ITFG2: variants seen among roughly 807,000 people sequenced by gnomAD.
The protein encoded by ITFG2 is integrin alpha FG-GAP repeat containing 2.
In ITFG2, 36 loss-of-function variants were observed where a neutral mutation model predicts 54.4. The observed-to-expected ratio is 0.66, with a 90% CI of 0.51 to 0.87. The LOEUF is 0.87. Among genes scored for constraint, ITFG2 ranks in the 40% least tolerant of loss-of-function variants. The probability of loss-of-function intolerance (pLI) is 0.00; values close to 1 mark genes in which losing one functional copy is unlikely to be tolerated. For missense variants in ITFG2, 524 were observed against 576.7 expected, an observed-to-expected ratio of 0.91 and a Z score of 0.94; for synonymous variants, 211 against 225.4, an observed-to-expected ratio of 0.94 and a Z score of 0.57.
chr12:2,840,525 G>A (rs2098038609), intron 1 of ITFG2, among the ~76,000 whole-genome samples: 2 of 151,442 alleles, frequency 1.3e-5, no homozygotes, highest in Admixed American at 6.6e-5. Context: ...TAAATATCAT[G>A]CCTGTAATCC....
At chr12:2,822,225 A>G (rs1179478655) in intron 9 of ITFG2, among the ~76,000 whole-genome samples, 1 of 152,192 alleles carries the variant, frequency 6.6e-6, no homozygotes, top group Non-Finnish European at 1.5e-5. Flanking sequence ...CCTGGCCGTA[A>G]GTCTCTTTAG....
intron 1 of ITFG2, among the ~76,000 whole-genome samples, chr12:2,814,703 A>G (rs185354243): frequency 0.017 from 2,333 of 140,294 alleles, 57 homozygotes; most frequent in African/African-American, 0.06. Context: ...GTGGTGGTGC[A>G]TGCTTGTAGT....
chr12:2,849,981 C>A (rs142104001), intron 2 of ITFG2, among the ~76,000 whole-genome samples: 2 of 152,266 alleles, frequency 1.3e-5, no homozygotes, highest in East Asian at 3.9e-4. Flanking sequence ...TGAATAGTGG[C>A]CAGTTTTCTA....
intron 2 of ITFG2, among the ~76,000 whole-genome samples, chr12:2,856,727 AC>A (rs1390797268): frequency 1.3e-5 from 2 of 152,142 alleles, no homozygotes; most frequent in Non-Finnish European, 2.9e-5. Flanking sequence ...AGTCATTTCT[AC>A]AGGATCACCC....
chr12:2,822,368 A>G (rs2097948353), intron 9 of ITFG2, among the ~76,000 whole-genome samples: 1 of 152,200 alleles, frequency 6.6e-6, no homozygotes, highest in Admixed American at 6.5e-5. Flanking sequence ...AGTTACTGTA[A>G]GAGCCTGGAA....
chr12:2,828,569 G>T (rs762587223), downstream of ITFG2, among the ~76,000 whole-genome samples: 1 of 152,218 alleles, frequency 6.6e-6, no homozygotes, highest in Non-Finnish European at 1.5e-5. Context: ...GCCAGGCGCG[G>T]TAGCTCACGC....
intron 1 of ITFG2, among the ~76,000 whole-genome samples, chr12:2,839,707 A>G (rs1443803158): frequency 6.6e-6 from 1 of 152,178 alleles, no homozygotes; most frequent in Non-Finnish European, 1.5e-5. Flanking sequence ...ATAATGAACA[A>G]CTAAATTTAT....
intron 1 of ITFG2, among the ~76,000 whole-genome samples, chr12:2,838,708 G>A (rs759665221): frequency 2.6e-5 from 4 of 152,150 alleles, no homozygotes; most frequent in Non-Finnish European, 5.9e-5. Flanking sequence ...CCATCTTGGG[G>A]CAGACTCCGC....
At chr12:2,831,578 TG>T (rs1054634129), downstream of ITFG2, among the ~76,000 whole-genome samples, 1 of 150,968 alleles carries the variant, frequency 6.6e-6, no homozygotes, top group African/African-American at 2.5e-5. Flanking sequence ...AGCAAGACTC[TG>T]TCTCAAAAAA....
chr12:2,834,800 C>T, upstream of ITFG2: 2 of 1,613,668 alleles, frequency 1.2e-6, no homozygotes, highest in Non-Finnish European at 1.7e-6. Flanking sequence ...CTGGCTTCTC[C>T]CTCATCTCTC....
At chr12:2,850,923 T>C (rs56395713) in intron 2 of ITFG2, among the ~76,000 whole-genome samples, 2 of 151,576 alleles carry the variant, frequency 1.3e-5, no homozygotes, top group Non-Finnish European at 2.9e-5. Flanking sequence ...TCGCCCGCCT[T>C]GGCCTCCCAA....
At chr12:2,822,365 G>GTT (rs1261505132) in intron 9 of ITFG2, among the ~76,000 whole-genome samples, 1 of 152,164 alleles carries the variant, frequency 6.6e-6, no homozygotes, top group Non-Finnish European at 1.5e-5. Flanking sequence ...AAAAGTTACT[G>GTT]TAAGAGCCTG....
At chr12:2,855,117 G>A (rs540502018) in intron 2 of ITFG2, 18 of 1,533,384 alleles carry the variant, frequency 1.2e-5, no homozygotes, top group South Asian at 9.5e-5. Context: ...GGTGCTCCGT[G>A]GGGGGGCATC....
At chr12:2,851,672 AT>A (rs1004932765) in intron 2 of ITFG2, among the ~76,000 whole-genome samples, 20 of 143,790 alleles carry the variant, frequency 1.4e-4, no homozygotes, top group Admixed American at 2.7e-4. Context: ...AATTTTATTT[AT>A]TTTTTTTATT....
chr12:2,822,969 G>C lies in ITFG2; in HGVS notation c.1066+58G>C, dbSNP rs138121391. The C allele has an allele frequency of 5.4e-4, 705 of 1,304,154 alleles. 2 individuals carry two copies. The highest frequency in any genetic ancestry group is 1.0e-3 in the South Asian group (84 of 83,936). The allele number at this position is 1,304,154 out of a possible 1,614,324, so 80.8% of individuals were successfully genotyped here. A position where few individuals can be genotyped will look rare whatever the true frequency, so the allele number is the denominator to read the frequency against. ...ACACTTAAGTTAGATAGGCGTGTTA[G>C]GCATGCCAGGGAAGTGTTTGCCCCT... On this transcript the variant is annotated intron_variant, in intron 10 of 11. Coordinates refer to ENST00000228799, the MANE Select transcript of ITFG2 (RefSeq NM_018463.4).
In ITFG2 at chr12:2,851,280, G is replaced by C. The variant is rs958764623; in HGVS notation, n.301-6732G>C. 3.9e-5 allele frequency among the ~76,000 whole-genome samples: 6 copies of C among 152,102 alleles called. No homozygotes were observed. The South Asian group carries it at 1.2e-3, about 32-fold the overall frequency. On this transcript the variant is annotated intron_variant and non_coding_transcript_variant, in intron 2 of 3. Coordinates refer to the ITFG2 transcript ENST00000537710. ...GGAGAGTGAGTGAGTGAATGTGAAGGCCTAGGACATTACTGTACACTACTG... is the reference window on the plus strand; with the variant it reads ...GGAGAGTGAGTGAGTGAATGTGAAGCCCTAGGACATTACTGTACACTACTG...
chr12:2,821,716 T>C lies in ITFG2; in HGVS notation c.872T>C (p.Met291Thr), dbSNP rs766028463. ...LDGTLKLMEE[M>T]EEADKLLWSV... The stretch of plus-strand genomic sequence containing the variant: ...GGGACACTGAAGCTCATGGAAGAAA[T>C]GGAAGAAGCAGACAAGCTGCTGTGG... The change falls in exon 9 of 12, where the codon ATG becomes ACG. Residue 291 changes from methionine to threonine, a missense_variant. Met to Thr is a moderately conservative substitution (Grantham distance 81, BLOSUM62 -1). Coordinates refer to ENST00000228799, the MANE Select transcript of ITFG2 (RefSeq NM_018463.4). 1 of 1,613,986 alleles carries C rather than the reference T, an allele frequency of 6.2e-7. No individual in the cohort carries two copies. The highest frequency in any genetic ancestry group is 1.1e-5 in the South Asian group (1 of 91,082).
At chr12:2,830,050 C>T (rs145676867), downstream of ITFG2, among the ~76,000 whole-genome samples, 2,876 of 151,938 alleles carry the variant, frequency 0.019, 85 homozygotes, top group African/African-American at 0.065. Context: ...GCACTCCAGC[C>T]TGGGTGACAG....
At chr12:2,833,741 T>C (rs1348519255), upstream of ITFG2, among the ~76,000 whole-genome samples, 1 of 152,140 alleles carries the variant, frequency 6.6e-6, no homozygotes, top group Non-Finnish European at 1.5e-5. Flanking sequence ...ATAATAATAA[T>C]AGCATTTAGA....
Sources: allele counts gnomAD v4.1 joint callset (sites outside exome capture counted in the v4.1 genomes callset), GRCh38; gene constraint gnomAD v4.1.1; transcripts MANE v1.5; gene names NCBI Gene and HGNC (gene_info 2026-07-23, HGNC 2026-07-21).